Variants in PAH observed in about 807,000 individuals in gnomAD.
The protein encoded by PAH is phenylalanine-4-hydroxylase.
Under a neutral mutation model 62.0 loss-of-function variants are expected in PAH, and 64 were observed. The observed-to-expected ratio is 1.03, with a 90% CI of 0.84 to 1.27. PAH has a LOEUF of 1.27. PAH is among the 50% of genes most tolerant of loss of function. The pLI, the probability that PAH is intolerant of heterozygous loss-of-function variation, is 0.00. For missense variants in PAH, 579 were observed against 542.8 expected (o/e 1.07, Z -0.66); for synonymous variants, 195 against 196.2 (o/e 0.99, Z 0.05).
intron 4 of PAH, among the ~76,000 whole-genome samples, chr12:102,869,804 G>A (rs12309781): frequency 0.2 from 29,918 of 152,118 alleles, 3,362 homozygotes; most frequent in Admixed American, 0.35. Flanking sequence ...GCTACCAGAC[G>A]ACCACAGGGC....
chr12:102,868,082 GTGTGTGTATA>G lies in PAH; in HGVS notation c.442-1429_442-1420del, dbSNP rs1286442665. 2.5e-3 allele frequency among the ~76,000 whole-genome samples: 122 copies of G among 49,166 alleles called. 16 individuals are homozygous for G. The highest frequency in any genetic ancestry group is 0.011 in the African/African-American group (117 of 10,408). 32.3% of individuals were successfully genotyped at this position (49,166 alleles called of 152,430 possible). On this transcript the variant is annotated intron_variant, in intron 4 of 12. Transcript: ENST00000553106. ...TATACACATATATATACATATATGTGTGTGTGTATATATATATATATACACATATATATAC... is the reference window on the plus strand; with the variant it reads ...TATACACATATATATACATATATGTGTATATATATATACACATATATATAC...
At chr12:102,934,724 G>T (rs2136753961) in intron 1 of PAH, among the ~76,000 whole-genome samples, 1 of 152,028 alleles carries the variant, frequency 6.6e-6, no homozygotes, top group South Asian at 2.1e-4. Flanking sequence ...CAGATTGTTT[G>T]CTGCTGGCAT....
intron 5 of PAH, among the ~76,000 whole-genome samples, chr12:102,864,837 G>C (rs1446997620): frequency 6.7e-6 from 1 of 148,640 alleles, no homozygotes; most frequent in Non-Finnish European, 1.5e-5. Context: ...AACTATATCA[G>C]ACCCTGAAGT....
rs780516168 is a variant in PAH at position 102,895,854 on chromosome 12, CAAAA to C, written c.169-940_169-937del. On this transcript the variant is annotated intron_variant, in intron 2 of 12. Coordinates refer to ENST00000553106, the MANE Select transcript of PAH (RefSeq NM_000277.3). Reference sequence around the variant, plus strand: ...TGGGCGACAGAGCGAGACTCTGTCTCAAAAAAAAAAAAAAAATATATATATATAT... The same window carrying C: ...TGGGCGACAGAGCGAGACTCTGTCTCAAAAAAAAAAAATATATATATATAT... Among the ~76,000 whole-genome samples the C allele has an allele frequency of 1.4e-3, 151 of 104,988 alleles. 2 individuals are homozygous for C. The highest frequency in any genetic ancestry group is 4.3e-3 in the African/African-American group (127 of 29,286). 68.9% of individuals were successfully genotyped at this position (104,988 alleles called of 152,430 possible).
intron 3 of PAH, among the ~76,000 whole-genome samples, chr12:102,890,089 T>G (rs1203888448): frequency 6.6e-6 from 1 of 152,214 alleles, no homozygotes; most frequent in South Asian, 2.1e-4. Flanking sequence ...AACCTTCTCT[T>G]AAGCTGTTTT....
chr12:102,908,112 A>G (rs1448617990), intron 2 of PAH, among the ~76,000 whole-genome samples: 1 of 152,048 alleles, frequency 6.6e-6, no homozygotes, highest in African/African-American at 2.4e-5. Flanking sequence ...GGGTGTAATA[A>G]CATCACTTAC....
chr12:102,922,675 C>T (rs1177858259), intron 1 of PAH, among the ~76,000 whole-genome samples: 1 of 152,162 alleles, frequency 6.6e-6, no homozygotes, highest in East Asian at 1.9e-4. Flanking sequence ...TAATCTTTCA[C>T]TATTACAAGT....
chr12:102,926,318 A>AG (rs1418160407), intron 1 of PAH, among the ~76,000 whole-genome samples: 1 of 152,054 alleles, frequency 6.6e-6, no homozygotes, highest in Non-Finnish European at 1.5e-5. Context: ...GCAAAGAGCT[A>AG]GGGGAAGGGA....
chr12:102,855,148 GA>G lies in PAH; in HGVS notation c.693del (p.Gln232SerfsTer109), dbSNP rs1875353511. On this transcript the variant is annotated frameshift_variant, in exon 6 of 13. Coordinates refer to ENST00000553106, the MANE Select transcript of PAH (RefSeq NM_000277.3). LOFTEE classifies it high-confidence loss of function. ...GATGTGGACTTACTCTGCAGGAACT[GA>G]GAAACGTCTTCCAGCTGGGGAATGT... ...EDNIPQLEDV[S>X]QFLQTCTGFR... 1 of 1,613,806 alleles carries G rather than the reference GA, an allele frequency of 6.2e-7. No homozygotes were observed. Among genetic ancestry groups the G allele is most frequent in the Non-Finnish European group, 8.5e-7 (1 of 1,179,810 alleles).
At chr12:102,895,869 A>ATATATAT (rs1555208129) in intron 2 of PAH, among the ~76,000 whole-genome samples, 63 of 118,700 alleles carry the variant, frequency 5.3e-4, no homozygotes, top group African/African-American at 2.1e-3. Flanking sequence ...AAAAAAAAAA[A>ATATATAT]ATATATATAT....
intron 9 of PAH, 67 bp from the exon 10 acceptor site, chr12:102,844,498 A>G: frequency 9.9e-7 from 1 of 1,011,284 alleles, no homozygotes; most frequent in Non-Finnish European, 1.6e-6. Context: ...CCTTGACTGG[A>G]TGAAGGGATA....
chr12:102,838,838 C>T lies in PAH; in HGVS notation c.*337G>A. 2.8e-6 allele frequency: 1 copy of T among 351,052 alleles called. No homozygotes were observed. The highest frequency in any genetic ancestry group is 5.3e-6 in the Non-Finnish European group (1 of 188,986). 21.7% of individuals were successfully genotyped at this position (351,052 alleles called of 1,614,324 possible). A position where few individuals can be genotyped will look rare whatever the true frequency, so the allele number is the denominator to read the frequency against. On this transcript the variant is annotated 3_prime_UTR_variant, in exon 13 of 13. Coordinates refer to ENST00000553106, the MANE Select transcript of PAH (RefSeq NM_000277.3). The stretch of plus-strand genomic sequence containing the variant: ...CCTTATATGCTCCTTTATGAGTTCT[C>T]TGCAAAGCATATATGAAGCTTGAAT...
chr12:102,918,939 A>G (rs1878485910), upstream of PAH, among the ~76,000 whole-genome samples: 1 of 130,380 alleles, frequency 7.7e-6, no homozygotes. Flanking sequence ...AATGAATGTG[A>G]CAACTCCAAA....
In PAH at chr12:102,855,258, T is replaced by C; in HGVS notation, c.584A>G (p.Lys195Arg). ...GCAAGCATGGGTTTTATACAAGGAC[T>C]TCAGAGTCTTGAACACTGTGCCCCA... ...KTWGTVFKTL[K>R]SLYKTHACYE... Residue 195 changes from lysine (K) to arginine (R), a missense_variant, in exon 6 of 13, where the codon AAG (lysine) becomes AGG (arginine). Transcript: ENST00000553106. 2 of 1,614,136 alleles carry C rather than the reference T, an allele frequency of 1.2e-6. No individual in the cohort carries two copies. The highest frequency in any genetic ancestry group is 2.2e-5 in the South Asian group (2 of 91,082).
upstream of PAH, among the ~76,000 whole-genome samples, chr12:102,918,715 C>A (rs9804735): frequency 0.4 from 61,094 of 151,848 alleles, 13,669 homozygotes; most frequent in African/African-American, 0.59. Context: ...CAAAAGGAAC[C>A]TTTAGGGGCC....
intron 1 of PAH, among the ~76,000 whole-genome samples, chr12:102,945,705 C>T (rs1361038223): frequency 6.6e-6 from 1 of 152,142 alleles, no homozygotes; most frequent in African/African-American, 2.4e-5. Context: ...GAGTGGGCCC[C>T]CTCTGGCCCA....
intron 1 of PAH, among the ~76,000 whole-genome samples, chr12:102,941,918 A>G (rs1260923442): frequency 6.6e-6 from 1 of 152,186 alleles, no homozygotes; most frequent in African/African-American, 2.4e-5. Context: ...TAGGCATCAA[A>G]GGAACACACC....
chr12:102,885,520 G>A (rs564785327), intron 3 of PAH, among the ~76,000 whole-genome samples: 38 of 152,294 alleles, frequency 2.5e-4, no homozygotes, highest in African/African-American at 7.9e-4. Flanking sequence ...GAGGCACCCG[G>A]TGGGGGCAGA....
Position 102,844,511 on chromosome 12 carries a change from T to C in PAH, c.970-80A>G. 3.3e-6 allele frequency: 3 copies of C among 909,784 alleles called. No individual in the cohort carries two copies. The East Asian group carries it at 7.4e-5, about 22-fold the overall frequency. 56.4% of individuals were successfully genotyped at this position (909,784 alleles called of 1,614,324 possible). A position where few individuals can be genotyped will look rare whatever the true frequency, so the allele number is the denominator to read the frequency against. ...CACCTTGACTGGATGAAGGGATACCTGAATAGATAGTAAAGCATTATTTTG... is the reference window on the plus strand; with the variant it reads ...CACCTTGACTGGATGAAGGGATACCCGAATAGATAGTAAAGCATTATTTTG... On this transcript the variant is annotated intron_variant, in intron 9 of 12. Coordinates refer to ENST00000553106, the MANE Select transcript of PAH (RefSeq NM_000277.3).
Sources: gnomAD v4.1 joint callset for allele counts (sites outside exome capture counted in the v4.1 genomes callset) on GRCh38, gnomAD v4.1.1 for gene constraint, MANE v1.5 for transcripts, NCBI Gene and HGNC (gene_info 2026-07-23, HGNC 2026-07-21) for gene names.